MRAP2: variants seen among roughly 807,000 people sequenced by gnomAD.
MRAP2 encodes melanocortin 2 receptor accessory protein 2, also known as melanocortin-2 receptor accessory protein 2.
Under a neutral mutation model 17.4 loss-of-function variants are expected in MRAP2, and 20 were observed. That is an observed-to-expected ratio of 1.15 (90% confidence interval 0.81 to 1.67). The LOEUF (loss-of-function observed/expected upper bound fraction) is 1.67. Among genes scored for constraint, MRAP2 ranks in the 40% most tolerant of loss-of-function variants. MRAP2 has a pLI of 0.00. For missense variants in MRAP2, 238 were observed against 240.0 expected, an observed-to-expected ratio of 0.99 and a Z score of 0.05; for synonymous variants, 96 against 88.4, an observed-to-expected ratio of 1.09 and a Z score of -0.48.
chr6:84,135,260 A>G, the MRAP2 span, among the ~76,000 whole-genome samples: 1 of 152,214 alleles, frequency 6.6e-6, no homozygotes, highest in African/African-American at 2.4e-5. Context: ...GCATAAAAGC[A>G]TATATTCTTT....
chr6:84,097,053 C>T, the MRAP2 span, among the ~76,000 whole-genome samples: 1 of 152,156 alleles, frequency 6.6e-6, no homozygotes, highest in Non-Finnish European at 1.5e-5. Context: ...CTTTAAATAT[C>T]ATAAGTCGGG....
At chr6:84,096,471 T>A in the MRAP2 span, among the ~76,000 whole-genome samples, 1 of 152,206 alleles carries the variant, frequency 6.6e-6, no homozygotes, top group Non-Finnish European at 1.5e-5. Flanking sequence ...ACAGACCCTA[T>A]GACCTACCAG....
chr6:84,052,727 T>C (rs1401045398), intron 1 of MRAP2: 1 of 859,642 alleles, frequency 1.2e-6, no homozygotes, highest in Admixed American at 6.2e-5. Context: ...AACTGGTGGC[T>C]GCCTGGGGAG....
At chr6:84,101,279 C>T in the MRAP2 span, among the ~76,000 whole-genome samples, 1 of 152,138 alleles carries the variant, frequency 6.6e-6, no homozygotes, top group Non-Finnish European at 1.5e-5. Context: ...TTAATTATGT[C>T]CTTCTTAGGG....
At chr6:84,129,000 G>C in the MRAP2 span, among the ~76,000 whole-genome samples, 2 of 152,128 alleles carry the variant, frequency 1.3e-5, no homozygotes, top group Non-Finnish European at 2.9e-5. Context: ...CTTCATCCAT[G>C]TTCCTGCAAA....
the MRAP2 span, among the ~76,000 whole-genome samples, chr6:84,144,397 C>T: frequency 6.6e-6 from 1 of 151,940 alleles, no homozygotes; most frequent in African/African-American, 2.4e-5. Flanking sequence ...TGTATTGTCA[C>T]AAAAATAACC....
chr6:84,145,572 T>C, the MRAP2 span, among the ~76,000 whole-genome samples: 1 of 152,114 alleles, frequency 6.6e-6, no homozygotes, highest in Non-Finnish European at 1.5e-5. Flanking sequence ...TGTTTTTTTA[T>C]CTCTGGGGTT....
the MRAP2 span, among the ~76,000 whole-genome samples, chr6:84,138,723 T>C: frequency 6.6e-6 from 1 of 152,206 alleles, no homozygotes; most frequent in Admixed American, 6.5e-5. Flanking sequence ...TTAACAACAA[T>C]TAAGTTAACT....
chr6:84,130,024 T>A, the MRAP2 span, among the ~76,000 whole-genome samples: 12 of 152,282 alleles, frequency 7.9e-5, no homozygotes, highest in East Asian at 2.3e-3. Flanking sequence ...TATTATTTTG[T>A]GATACGTTCC....
intron 1 of MRAP2, among the ~76,000 whole-genome samples, chr6:84,054,574 A>C (rs2099491235): frequency 6.6e-6 from 1 of 152,154 alleles, no homozygotes; most frequent in Non-Finnish European, 1.5e-5. Flanking sequence ...AGTTTCCTCC[A>C]AACCCACTGG....
At chr6:84,105,293 A>C in the MRAP2 span, among the ~76,000 whole-genome samples, 1 of 152,264 alleles carries the variant, frequency 6.6e-6, no homozygotes, top group Non-Finnish European at 1.5e-5. Context: ...GAGACTGGGC[A>C]ATTTACAAAA....
At chr6:84,071,702 C>A (rs527702184) in intron 3 of MRAP2, among the ~76,000 whole-genome samples, 145 of 152,286 alleles carry the variant, frequency 9.5e-4, no homozygotes, top group African/African-American at 3.3e-3. Context: ...TTCTCTTCTT[C>A]CTCAGGAACA....
chr6:84,060,852 A>ATTTT lies in MRAP2; in HGVS notation c.128-2024_128-2021dup, dbSNP rs771171189. Among the ~76,000 whole-genome samples, 242 of 119,506 alleles carry ATTTT rather than the reference A, an allele frequency of 2.0e-3. 15 individuals carry two copies. Among genetic ancestry groups the ATTTT allele is most frequent in the African/African-American group, 6.7e-3 (178 of 26,660 alleles). 78.4% of individuals were successfully genotyped at this position (119,506 alleles called of 152,430 possible). A position where few individuals can be genotyped will look rare whatever the true frequency, so the allele number is the denominator to read the frequency against. On this transcript the variant is annotated intron_variant, in intron 2 of 3. Transcript: ENST00000257776. ...AGGCGCCTGCCACCACACCCGGCTAATTTTTTTTTTTTTTTTTTTTGTATT... is the reference window on the plus strand; with the variant it reads ...AGGCGCCTGCCACCACACCCGGCTAATTTTTTTTTTTTTTTTTTTTTTTTGTATT...
chr6:84,097,208 A>ATG, the MRAP2 span, among the ~76,000 whole-genome samples: 17 of 151,948 alleles, frequency 1.1e-4, no homozygotes, highest in South Asian at 2.3e-3. Context: ...TAACTTTTAT[A>ATG]TGTGTGTGTG....
intron 1 of MRAP2, among the ~76,000 whole-genome samples, chr6:84,037,602 G>T (rs1384390377): frequency 6.6e-6 from 1 of 152,236 alleles, no homozygotes; most frequent in Non-Finnish European, 1.5e-5. Flanking sequence ...TGGCATGGCG[G>T]GCTGCAGGTC....
At chr6:84,125,650 C>T in the MRAP2 span, among the ~76,000 whole-genome samples, 16 of 152,038 alleles carry the variant, frequency 1.1e-4, no homozygotes, top group African/African-American at 3.9e-4. Flanking sequence ...AGTGATCTCT[C>T]GCCCCTCTTC....
At chr6:84,062,233 T>A in intron 2 of MRAP2, 1 of 412,412 alleles carries the variant, frequency 2.4e-6, no homozygotes. Context: ...AATGCTTCTG[T>A]AACAATAGCT....
chr6:84,097,466 G>A, the MRAP2 span, among the ~76,000 whole-genome samples: 1 of 151,770 alleles, frequency 6.6e-6, no homozygotes, highest in African/African-American at 2.4e-5. Context: ...TATTTAAGAG[G>A]GATTCAAATT....
At chr6:84,100,407 G>T in the MRAP2 span, among the ~76,000 whole-genome samples, 1 of 151,992 alleles carries the variant, frequency 6.6e-6, no homozygotes, top group Non-Finnish European at 1.5e-5. Context: ...GAGACTGCAG[G>T]CACCTGCCAC....
Sources: gnomAD v4.1 joint callset for allele counts (sites outside exome capture counted in the v4.1 genomes callset) on GRCh38, gnomAD v4.1.1 for gene constraint, MANE v1.5 for transcripts, NCBI Gene and HGNC (gene_info 2026-07-23, HGNC 2026-07-21) for gene names.